The following MAST4 variants were observed in gnomAD, a reference collection of about 807,000 sequenced individuals.
The protein encoded by MAST4 is microtubule-associated serine/threonine-protein kinase 4.
Under a neutral mutation model 162.7 loss-of-function variants are expected in MAST4, and 89 were observed. The ratio of observed to expected loss-of-function variants is 0.55; its 90% CI spans 0.46 to 0.65. The LOEUF (loss-of-function observed/expected upper bound fraction) is 0.65. MAST4 is among the 30% of genes least tolerant of loss of function. MAST4 has a pLI of 0.00. For synonymous variants in MAST4, 1,479 were observed against 1,361.1 expected (o/e 1.09, Z -1.91); for missense variants, 3,153 against 3,374.0 (o/e 0.93, Z 1.62).
At chr5:67,110,599 A>G (rs1030194099) in intron 11 of MAST4, among the ~76,000 whole-genome samples, 2 of 152,248 alleles carry the variant, frequency 1.3e-5, no homozygotes, top group Non-Finnish European at 2.9e-5. Context: ...GTGATTTATA[A>G]TTATTGTTTG....
intron 6 of MAST4, 57 bp downstream of exon 6, chr5:67,090,288 T>A: frequency 7.7e-7 from 1 of 1,294,008 alleles, no homozygotes; most frequent in Non-Finnish European, 1.1e-6. Flanking sequence ...CCCATTTTCC[T>A]CTCCCTCTCC....
At chr5:66,907,178 A>AGAGG (rs1408582816) in intron 4 of MAST4, among the ~76,000 whole-genome samples, 1 of 144,294 alleles carries the variant, frequency 6.9e-6, no homozygotes, top group Non-Finnish European at 1.5e-5. Flanking sequence ...AGAGAGAGAG[A>AGAGG]GAGAGAGAGA....
intron 2 of MAST4, 117 bp downstream of exon 2, chr5:66,759,979 A>G: frequency 2.0e-6 from 2 of 1,016,664 alleles, no homozygotes; most frequent in South Asian, 3.4e-5. Flanking sequence ...TCTGCAGACC[A>G]TTTCATAAAA....
chr5:66,933,927 A>T (rs1742442794), intron 4 of MAST4, among the ~76,000 whole-genome samples: 1 of 152,074 alleles, frequency 6.6e-6, no homozygotes, highest in South Asian at 2.1e-4. Context: ...CCTGGCTTCA[A>T]GTGATCCTCC....
chr5:66,885,348 A>G (rs1761971844), intron 3 of MAST4, among the ~76,000 whole-genome samples: 1 of 152,238 alleles, frequency 6.6e-6, no homozygotes, highest in Non-Finnish European at 1.5e-5. Context: ...AGTTAAAGCA[A>G]CACTTATTCA....
At chr5:67,100,670 T>A in intron 8 of MAST4, 78 bp downstream of exon 8, 1 of 1,542,104 alleles carries the variant, frequency 6.5e-7, no homozygotes, top group Non-Finnish European at 8.9e-7. Context: ...CTTCGGTCCT[T>A]TAGGTCATAT....
chr5:66,715,060 A>G (rs2149529201), intron 1 of MAST4, among the ~76,000 whole-genome samples: 1 of 152,294 alleles, frequency 6.6e-6, no homozygotes, highest in Middle Eastern at 3.4e-3. Flanking sequence ...GAGAGTAACA[A>G]GGAAATTACT....
At chr5:66,719,785 C>G (rs1323631628) in intron 1 of MAST4, among the ~76,000 whole-genome samples, 1 of 151,974 alleles carries the variant, frequency 6.6e-6, no homozygotes, top group Non-Finnish European at 1.5e-5. Flanking sequence ...ATTGTTGAAA[C>G]AAAATGCAAT....
intron 14 of MAST4, among the ~76,000 whole-genome samples, chr5:67,128,155 C>T (rs1768490872): frequency 6.6e-6 from 1 of 152,156 alleles, no homozygotes; most frequent in Non-Finnish European, 1.5e-5. Context: ...GTTTAGTTTT[C>T]TGATAAGCAA....
chr5:66,955,315 CAG>C (rs1233992637), intron 4 of MAST4, among the ~76,000 whole-genome samples: 1 of 151,646 alleles, frequency 6.6e-6, no homozygotes, highest in African/African-American at 2.4e-5. Flanking sequence ...TTGGACATGT[CAG>C]GGGAGAAGAG....
intron 1 of MAST4, among the ~76,000 whole-genome samples, chr5:66,627,161 C>T (rs1455257449): frequency 1.3e-5 from 2 of 152,102 alleles, no homozygotes; most frequent in Admixed American, 1.3e-4. Context: ...GCAAACATGT[C>T]CTTCTTCACA....
rs80073428 is a variant in MAST4, at chr5:66,728,481, A to G, written c.364-31228A>G. Among the ~76,000 whole-genome samples the G allele has an allele frequency of 4.2e-3, 646 of 152,308 alleles. 4 individuals are homozygous for G. The highest frequency in any genetic ancestry group is 0.014 in the African/African-American group (569 of 41,566). On this transcript the variant is annotated intron_variant, in intron 1 of 28. Transcript: ENST00000403625. The stretch of plus-strand genomic sequence containing the variant: ...TGTGAATGACATATACATATCTATA[A>G]TATGGAATATTTTAATTTACTTTTG...
intron 6 of MAST4, among the ~76,000 whole-genome samples, chr5:67,095,233 TG>T (rs1764314482): frequency 6.6e-6 from 1 of 152,206 alleles, no homozygotes; most frequent in Non-Finnish European, 1.5e-5. Context: ...AAAGATCATT[TG>T]CTCTGGTTAT....
chr5:66,923,618 G>C (rs1375875701), intron 4 of MAST4, among the ~76,000 whole-genome samples: 3 of 152,074 alleles, frequency 2.0e-5, no homozygotes, highest in African/African-American at 7.2e-5. Flanking sequence ...TAACCCCCAG[G>C]TTCCATTGTC....
intron 2 of MAST4, among the ~76,000 whole-genome samples, chr5:66,770,494 G>A (rs1271917627): frequency 6.6e-6 from 1 of 152,144 alleles, no homozygotes; most frequent in Non-Finnish European, 1.5e-5. Flanking sequence ...AGGCTCATAT[G>A]GTGGTTCCCA....
chr5:67,035,146 C>T (rs1755855235), intron 4 of MAST4, among the ~76,000 whole-genome samples: 1 of 152,108 alleles, frequency 6.6e-6, no homozygotes, highest in Non-Finnish European at 1.5e-5. Flanking sequence ...CTGCCAAAGT[C>T]TGGCTGTGTC....
intron 3 of MAST4, chr5:66,828,775 C>G: frequency 6.4e-7 from 1 of 1,573,086 alleles, no homozygotes. Flanking sequence ...TCTGAATTAG[C>G]GTGCTGAAGT....
chr5:67,070,911 A>G (rs1333133223), intron 5 of MAST4, among the ~76,000 whole-genome samples: 1 of 152,186 alleles, frequency 6.6e-6, no homozygotes, highest in Non-Finnish European at 1.5e-5. Flanking sequence ...AAGAAGCCGC[A>G]TTTTGTGCTG....
At chr5:66,691,650 T>A (rs913307782) in intron 1 of MAST4, among the ~76,000 whole-genome samples, 1 of 152,194 alleles carries the variant, frequency 6.6e-6, no homozygotes, top group Non-Finnish European at 1.5e-5. Flanking sequence ...GATGGCTGAC[T>A]TCTTGCTGTG....
Sources: allele counts gnomAD v4.1 joint callset (sites outside exome capture counted in the v4.1 genomes callset), GRCh38; gene constraint gnomAD v4.1.1; transcripts MANE v1.5; gene names NCBI Gene and HGNC (gene_info 2026-07-23, HGNC 2026-07-21).